Variants in FRAS1 observed in about 807,000 individuals in gnomAD.
FRAS1 encodes the protein Fraser extracellular matrix complex subunit 1.
Under a neutral mutation model 435.2 loss-of-function variants are expected in FRAS1, and 290 were observed. That is an observed-to-expected ratio of 0.67 (90% CI 0.61 to 0.73). The LOEUF (loss-of-function observed/expected upper bound fraction) is 0.73, where lower values mean the gene tolerates loss of function less well. Among genes scored for constraint, FRAS1 ranks in the 30% least tolerant of loss-of-function variants. The pLI is 0.00. For missense variants in FRAS1, 4,860 were observed against 5,001.5 expected (o/e 0.97, Z 0.85); for synonymous variants, 1,800 against 1,851.0 (o/e 0.97, Z 0.71).
chr4:78,519,369 G>A lies in FRAS1; in HGVS notation c.10428G>A (p.Val3476=), dbSNP rs768886770. 8 of 1,597,822 alleles carry A rather than the reference G, an allele frequency of 5.0e-6. No individual in the cohort carries two copies. Among genetic ancestry groups the A allele is most frequent in the South Asian group, 1.1e-5 (1 of 88,084 alleles). ...CCCAGTCCTTCTTGACAGTGCACGT[G>A]CCTCTATATGTGTCCTACATCTATG... is the stretch of plus-strand genomic sequence containing the variant. The part of the protein sequence containing the change: ...DSAQSFLTVH[V]PLYVSYIYVT... The change falls in exon 67 of 74, where the codon GTG becomes GTA. Residue 3476 remains valine, a synonymous_variant. Transcript: ENST00000512123.
chr4:78,346,244 T>C (rs746803950), intron 20 of FRAS1, among the ~76,000 whole-genome samples: 8 of 152,244 alleles, frequency 5.3e-5, no homozygotes, highest in Non-Finnish European at 1.0e-4. Flanking sequence ...ATGTTGATTC[T>C]GATTGGGCCC....
chr4:78,301,555 G>C (rs769857510), intron 14 of FRAS1, among the ~76,000 whole-genome samples: 3 of 152,186 alleles, frequency 2.0e-5, no homozygotes, highest in African/African-American at 7.2e-5. Context: ...TAGATGTCAA[G>C]TAGGACTGGG....
At chr4:78,180,288 G>A (rs1721943418) in intron 2 of FRAS1, among the ~76,000 whole-genome samples, 1 of 151,982 alleles carries the variant, frequency 6.6e-6, no homozygotes, top group South Asian at 2.1e-4. Flanking sequence ...CAGCTATCAT[G>A]AGAAGTGAAA....
At chr4:78,240,681 T>C (rs991582265) in intron 3 of FRAS1, among the ~76,000 whole-genome samples, 1 of 152,172 alleles carries the variant, frequency 6.6e-6, no homozygotes, top group Non-Finnish European at 1.5e-5. Flanking sequence ...AATGTAGCTG[T>C]CATCAGCACA....
In FRAS1 at chr4:78,479,460, T is replaced by C; in HGVS notation, c.8185T>C (p.Ser2729Pro). The C allele has an allele frequency of 1.2e-6, 2 of 1,607,134 alleles. No individual in the cohort carries two copies. The highest frequency in any genetic ancestry group is 1.7e-6 in the Non-Finnish European group (2 of 1,175,356). Reference sequence around the variant, plus strand: ...TAGCCTCTATGCTCTAGAATCAGGCTCTGATTTTAAATCTAGAGGGATGTC... The same window carrying C: ...TAGCCTCTATGCTCTAGAATCAGGCCCTGATTTTAAATCTAGAGGGATGTC... ...GSSLYALESG[S>P]DFKSRGMSAA... Residue 2729 changes from serine (S) to proline (P), a missense_variant, in exon 56 of 74, where the codon TCT (serine) becomes CCT (proline). Transcript: ENST00000512123.
chr4:78,290,957 G>A (rs779305676), intron 14 of FRAS1, among the ~76,000 whole-genome samples: 2 of 150,756 alleles, frequency 1.3e-5, no homozygotes, highest in Non-Finnish European at 3.0e-5. Flanking sequence ...ATAGAGACAG[G>A]GTTTCACCAT....
intron 65 of FRAS1, among the ~76,000 whole-genome samples, chr4:78,515,274 G>A (rs1424794874): frequency 1.3e-5 from 2 of 149,056 alleles, no homozygotes; most frequent in Non-Finnish European, 3.0e-5. Context: ...CCCCCGACAA[G>A]AGTTCAGAAA....
intron 35 of FRAS1, among the ~76,000 whole-genome samples, chr4:78,424,730 C>T (rs1185852681): frequency 2.6e-5 from 4 of 151,772 alleles, no homozygotes; most frequent in African/African-American, 9.7e-5. Context: ...TCACTTAAGC[C>T]CAGGGGTTCA....
chr4:78,315,956 A>G (rs1484613574), intron 16 of FRAS1, among the ~76,000 whole-genome samples: 2 of 152,198 alleles, frequency 1.3e-5, no homozygotes, highest in Non-Finnish European at 2.9e-5. Flanking sequence ...GGACTTACGC[A>G]TATTAATCAT....
chr4:78,502,054 T>C (rs1441616195), intron 61 of FRAS1, among the ~76,000 whole-genome samples: 1 of 152,228 alleles, frequency 6.6e-6, no homozygotes, highest in Non-Finnish European at 1.5e-5. Context: ...TTCTGAGGCC[T>C]CTGTTCCGTT....
intron 2 of FRAS1, among the ~76,000 whole-genome samples, chr4:78,077,307 C>A (rs1407899900): frequency 6.6e-6 from 1 of 152,094 alleles, no homozygotes; most frequent in African/African-American, 2.4e-5. Context: ...GAAGTCAAGG[C>A]TTCAGTGAGC....
intron 22 of FRAS1, among the ~76,000 whole-genome samples, chr4:78,366,449 T>C (rs1731271520): frequency 6.6e-6 from 1 of 152,224 alleles, no homozygotes; most frequent in African/African-American, 2.4e-5. Context: ...CAAAGTGGTA[T>C]AGAATAAGCT....
rs375709173 is a variant in FRAS1, at chr4:78,479,361, A to G, written c.8099-13A>G. The G allele has an allele frequency of 7.6e-6, 11 of 1,453,634 alleles. No homozygotes were observed. In the African/African-American group the frequency reaches 8.5e-5, roughly 11 times the overall value. 90.0% of individuals were successfully genotyped at this position (1,453,634 alleles called of 1,614,324 possible). On this transcript the variant is annotated splice_polypyrimidine_tract_variant and intron_variant, in intron 55 of 73. Coordinates refer to ENST00000512123, the MANE Select transcript of FRAS1 (RefSeq NM_025074.7). ...CATTCAAATGCTTTGGTTTTTTGCC[A>G]TTTGTATTTCAGGAGATGCAAGCAG...
intron 2 of FRAS1, among the ~76,000 whole-genome samples, chr4:78,121,741 T>A (rs760647156): frequency 1.3e-5 from 2 of 152,200 alleles, no homozygotes; most frequent in Non-Finnish European, 2.9e-5. Flanking sequence ...AACAGCTATG[T>A]TGTACCTATT....
chr4:78,193,899 G>A (rs1199013006), intron 2 of FRAS1, among the ~76,000 whole-genome samples: 5 of 152,226 alleles, frequency 3.3e-5, no homozygotes, highest in African/African-American at 9.6e-5. Flanking sequence ...TGTTTTTGCA[G>A]TGGCTGGTAC....
chr4:78,192,147 G>C (rs1722568787), intron 2 of FRAS1, among the ~76,000 whole-genome samples: 1 of 152,172 alleles, frequency 6.6e-6, no homozygotes, highest in Admixed American at 6.5e-5. Flanking sequence ...GATCATGGTG[G>C]ATAAGCTTTT....
chr4:78,506,203 G>T (rs565421885), intron 61 of FRAS1, among the ~76,000 whole-genome samples: 15 of 152,344 alleles, frequency 9.8e-5, no homozygotes, highest in Admixed American at 9.1e-4. Context: ...CTACACAGGG[G>T]TCAGGGACCC....
chr4:78,314,598 T>C (rs1389315312), intron 15 of FRAS1, among the ~76,000 whole-genome samples: 1 of 152,222 alleles, frequency 6.6e-6, no homozygotes, highest in Non-Finnish European at 1.5e-5. Flanking sequence ...TTCAATCTCA[T>C]TGCCTTTCCT....
intron 47 of FRAS1, among the ~76,000 whole-genome samples, chr4:78,456,087 A>G (rs1719185607): frequency 6.6e-6 from 1 of 151,694 alleles, no homozygotes; most frequent in Admixed American, 6.6e-5. Flanking sequence ...AGGCCAGGGA[A>G]GCCCCACATC....
Sources: gnomAD v4.1 joint callset for allele counts (sites outside exome capture counted in the v4.1 genomes callset) on GRCh38, gnomAD v4.1.1 for gene constraint, MANE v1.5 for transcripts, NCBI Gene and HGNC (gene_info 2026-07-23, HGNC 2026-07-21) for gene names.